Variants in SLFN12L observed in about 807,000 individuals in gnomAD.
SLFN12L encodes the protein schlafen family member 12 like.
A neutral mutation model predicts 34.8 loss-of-function variants in SLFN12L; 34 were observed. That is an observed-to-expected ratio of 0.98 (90% CI 0.74 to 1.30). The LOEUF is 1.30. SLFN12L is among the 50% of genes most tolerant of loss of function. The pLI is 0.00. For missense variants in SLFN12L, 703 were observed against 696.2 expected, an observed-to-expected ratio of 1.01 and a Z score of -0.11; for synonymous variants, 259 against 247.5, an observed-to-expected ratio of 1.05 and a Z score of -0.44.
rs189216875 is a variant in SLFN12L, at chr17:35,490,578, G to C, written c.87-10383C>G. 4.0e-5 allele frequency: 33 copies of C among 823,710 alleles called. No individual in the cohort carries two copies. The African/African-American group carries it at 5.3e-4, about 13-fold the overall frequency. The allele number at this position is 823,710 out of a possible 1,614,324, so 51.0% of individuals were successfully genotyped here. A position where few individuals can be genotyped will look rare whatever the true frequency, so the allele number is the denominator to read the frequency against. On this transcript the variant is annotated intron_variant, in intron 2 of 4. Coordinates refer to ENST00000628453, the MANE Select transcript of SLFN12L (RefSeq NM_001363830.2). ...GTCTGTCTGCGGATGGGGGCATGCT[G>C]ACCCAGTGTCAAGGCCTGTCAAAAG...
intron 1 of SLFN12L, among the ~76,000 whole-genome samples, chr17:35,528,543 C>A (rs972625506): frequency 8.5e-5 from 13 of 152,124 alleles, no homozygotes; most frequent in Admixed American, 3.9e-4. Flanking sequence ...TAACACCACA[C>A]ATCCACAACC....
chr17:35,509,169 A>T (rs1387904307), intron 2 of SLFN12L, among the ~76,000 whole-genome samples: 1 of 152,216 alleles, frequency 6.6e-6, no homozygotes, highest in Non-Finnish European at 1.5e-5. Flanking sequence ...GACAGTGGAA[A>T]AGGAGGCATG....
At chr17:35,488,313 G>A (rs1259857023) in intron 2 of SLFN12L, among the ~76,000 whole-genome samples, 3 of 152,218 alleles carry the variant, frequency 2.0e-5, no homozygotes, top group Admixed American at 6.5e-5. Flanking sequence ...CGCAGTTGAC[G>A]CCAGAAACCG....
intron 2 of SLFN12L, among the ~76,000 whole-genome samples, chr17:35,497,849 A>C (rs956866114): frequency 9.8e-5 from 15 of 152,318 alleles, no homozygotes; most frequent in African/African-American, 3.6e-4. Flanking sequence ...TTACTAAATA[A>C]TACTAAAACC....
In SLFN12L at chr17:35,467,087, G is replaced by A. The variant is rs1342729497; in HGVS notation, c.*7836C>T. On this transcript the variant is annotated 3_prime_UTR_variant, in exon 5 of 5. Transcript: ENST00000628453. The stretch of plus-strand genomic sequence containing the variant: ...CACGCAGAAGGGAGTGACGTCCCCA[G>A]TCCTTGGTCCCTTGCCAGATGCCAT... Among the ~76,000 whole-genome samples the A allele has an allele frequency of 1.3e-5, 2 of 152,164 alleles. No individual in the cohort carries two copies. The highest frequency in any genetic ancestry group is 2.9e-5 in the Non-Finnish European group (2 of 68,030).
intron 2 of SLFN12L, among the ~76,000 whole-genome samples, chr17:35,514,050 C>T (rs1021928141): frequency 1.3e-5 from 2 of 152,186 alleles, no homozygotes; most frequent in Non-Finnish European, 2.9e-5. Flanking sequence ...GGACACTTTG[C>T]AGATCAGCAA....
In SLFN12L at chr17:35,485,072, G is replaced by A. The variant is rs548044024; in HGVS notation, c.87-4877C>T. ...CCTTTTGATTTCTATAAAATCAATA[G>A]TAATGTCTCTTCTTTCTTTTTTGAT... On this transcript the variant is annotated intron_variant, in intron 2 of 4. Coordinates refer to ENST00000628453, the MANE Select transcript of SLFN12L (RefSeq NM_001363830.2). 4.1e-4 allele frequency among the ~76,000 whole-genome samples: 63 copies of A among 152,244 alleles called. No individual in the cohort carries two copies. In the South Asian group the frequency reaches 0.012, roughly 28 times the overall value.
chr17:35,468,306 A>G lies in SLFN12L; in HGVS notation c.*6617T>C, dbSNP rs201324189. On this transcript the variant is annotated 3_prime_UTR_variant, in exon 5 of 5. Coordinates refer to ENST00000628453, the MANE Select transcript of SLFN12L (RefSeq NM_001363830.2). Reference sequence around the variant, plus strand: ...CCATTGTTTTAATCAATCATGGCAAATGCTAAGACCCACATCAACCTGAGT... The same window carrying G: ...CCATTGTTTTAATCAATCATGGCAAGTGCTAAGACCCACATCAACCTGAGT... 7.9e-5 allele frequency among the ~76,000 whole-genome samples: 12 copies of G among 152,312 alleles called. No individual in the cohort carries two copies. In the East Asian group the frequency reaches 2.3e-3, roughly 29 times the overall value.
At chr17:35,528,059 A>G (rs534957905) in intron 1 of SLFN12L, among the ~76,000 whole-genome samples, 4 of 152,168 alleles carry the variant, frequency 2.6e-5, no homozygotes, top group African/African-American at 4.8e-5. Flanking sequence ...ATGCACCGAT[A>G]ACAGACAGAC....
intron 2 of SLFN12L, among the ~76,000 whole-genome samples, chr17:35,506,835 G>C (rs929238490): frequency 6.6e-6 from 1 of 152,106 alleles, no homozygotes; most frequent in Non-Finnish European, 1.5e-5. Flanking sequence ...ATAACTTCTA[G>C]GTCCTAAAAG....
At chr17:35,483,686 A>G (rs1472155947) in intron 2 of SLFN12L, among the ~76,000 whole-genome samples, 1 of 152,116 alleles carries the variant, frequency 6.6e-6, no homozygotes, top group Non-Finnish European at 1.5e-5. Flanking sequence ...TTTAAAATCT[A>G]TTGGGATCAC....
In SLFN12L at chr17:35,465,586, T is replaced by G. The variant is rs1208916990; in HGVS notation, c.*9337A>C. On this transcript the variant is annotated 3_prime_UTR_variant, in exon 5 of 5. Transcript: ENST00000628453. The stretch of plus-strand genomic sequence containing the variant: ...GGATTGAAAGTTGTTACATAAAACC[T>G]CATTTATATAACATAAAAGGGATAA... Among the ~76,000 whole-genome samples, 2 of 151,884 alleles carry G rather than the reference T, an allele frequency of 1.3e-5. No individual in the cohort carries two copies. Among genetic ancestry groups the G allele is most frequent in the Non-Finnish European group, 2.9e-5 (2 of 68,002 alleles).
intron 1 of SLFN12L, among the ~76,000 whole-genome samples, chr17:35,532,484 A>C (rs1043748221): frequency 6.6e-6 from 1 of 152,132 alleles, no homozygotes; most frequent in Non-Finnish European, 1.5e-5. Flanking sequence ...TGTTTAATAA[A>C]AAATTGATAG....
intron 2 of SLFN12L, chr17:35,490,240 A>C: frequency 6.4e-7 from 1 of 1,558,502 alleles, no homozygotes. Context: ...AGCTAGGAGA[A>C]AGCGGTCATC....
intron 2 of SLFN12L, among the ~76,000 whole-genome samples, chr17:35,494,618 A>G (rs1176380302): frequency 6.6e-6 from 1 of 152,218 alleles, no homozygotes; most frequent in African/African-American, 2.4e-5. Flanking sequence ...GCAATGTGCC[A>G]GGGCACACAA....
chr17:35,530,124 T>A (rs1311110337), intron 1 of SLFN12L, among the ~76,000 whole-genome samples: 1 of 146,750 alleles, frequency 6.8e-6, no homozygotes, highest in Non-Finnish European at 1.5e-5. Context: ...TGTCTTTTTT[T>A]TTTTTTTTTT....
intron 4 of SLFN12L, among the ~76,000 whole-genome samples, chr17:35,476,565 A>C (rs1389664418): frequency 3.3e-5 from 5 of 152,156 alleles, no homozygotes; most frequent in African/African-American, 1.2e-4. Flanking sequence ...CTGGGAGATT[A>C]AAGAGCTGAA....
chr17:35,479,236 A>T lies in SLFN12L; in HGVS notation c.1046T>A (p.Val349Glu). Residue 349 changes from valine to glutamate, a missense_variant, in exon 3 of 5, where the codon GTG becomes GAG. Transcript: ENST00000628453. ...AAACACTGCACAGCAGAAGCGTTCC[A>T]CTCTGAGTGCATACACATATCCACA... The part of the protein sequence containing the change: ...RLCGYVYALR[V>E]ERFCCAVFAK... The T allele has an allele frequency of 1.3e-6, 2 of 1,592,174 alleles. No individual in the cohort carries two copies. Among genetic ancestry groups the T allele is most frequent in the Non-Finnish European group, 1.7e-6 (2 of 1,167,782 alleles).
chr17:35,488,943 GC>G (rs766859681), intron 2 of SLFN12L, among the ~76,000 whole-genome samples: 6 of 151,724 alleles, frequency 4.0e-5, no homozygotes, highest in Non-Finnish European at 5.9e-5. Context: ...GGTGGCACGC[GC>G]CTGTAATCCC....
Sources: allele counts gnomAD v4.1 joint callset (sites outside exome capture counted in the v4.1 genomes callset), GRCh38; gene constraint gnomAD v4.1.1; transcripts MANE v1.5; gene names NCBI Gene and HGNC (gene_info 2026-07-23, HGNC 2026-07-21).